The following NDUFAF5 variants were observed in gnomAD, a reference collection of about 807,000 sequenced individuals.
The protein encoded by NDUFAF5 is NADH:ubiquinone oxidoreductase complex assembly factor 5, also known as arginine-hydroxylase NDUFAF5, mitochondrial.
NDUFAF5 carries 34 observed loss-of-function variants against 48.9 expected under a neutral mutation model. The observed-to-expected ratio is 0.70, with a 90% CI of 0.53 to 0.93. NDUFAF5 has a LOEUF of 0.93. Among genes scored for constraint, NDUFAF5 ranks in the 40% least tolerant of loss-of-function variants. NDUFAF5 has a pLI of 0.00. For synonymous variants in NDUFAF5, 153 were observed against 150.6 expected, an observed-to-expected ratio of 1.02 and a Z score of -0.12; for missense variants, 428 against 427.5, an observed-to-expected ratio of 1.00 and a Z score of -0.01.
chr20:13,808,199 A>G (rs1600378133), intron 7 of NDUFAF5, among the ~76,000 whole-genome samples: 1 of 152,146 alleles, frequency 6.6e-6, no homozygotes, highest in East Asian at 1.9e-4. Flanking sequence ...TCTTTGGCCA[A>G]AAGAAATATG....
At position 13,817,229 on chromosome 20, in the gene NDUFAF5, T is replaced by C. The variant is rs1054200603; in HGVS notation, c.*19T>C. On this transcript the variant is annotated 3_prime_UTR_variant, in exon 11 of 11. Coordinates refer to ENST00000378106, the MANE Select transcript of NDUFAF5 (RefSeq NM_024120.5). ...ACAATAAATATTTATTCAGTGTTAA[T>C]GTCGTCCAGAATTTTCATCAGAAAT... 9 of 1,569,780 alleles carry C rather than the reference T, an allele frequency of 5.7e-6. No individual in the cohort carries two copies. Among genetic ancestry groups the C allele is most frequent in the Non-Finnish European group, 7.9e-6 (9 of 1,139,512 alleles).
At chr20:13,787,811 A>G (rs1395483903) in intron 2 of NDUFAF5, among the ~76,000 whole-genome samples, 1 of 152,192 alleles carries the variant, frequency 6.6e-6, no homozygotes, top group Non-Finnish European at 1.5e-5. Context: ...TTAAAAACAA[A>G]TTGCAATGGG....
chr20:13,792,824 CTT>C (rs1982519098), intron 3 of NDUFAF5, among the ~76,000 whole-genome samples: 2 of 152,184 alleles, frequency 1.3e-5, no homozygotes, highest in Non-Finnish European at 2.9e-5. Flanking sequence ...TCTGTAAACT[CTT>C]TGGATGAACA....
At chr20:13,810,365 CTA>C (rs1466367132) in intron 8 of NDUFAF5, among the ~76,000 whole-genome samples, 1 of 152,182 alleles carries the variant, frequency 6.6e-6, no homozygotes, top group Admixed American at 6.5e-5. Context: ...TAAAAGCAAA[CTA>C]TGAACTGAAA....
chr20:13,816,916 C>G lies in NDUFAF5; in HGVS notation c.904C>G (p.Gln302Glu). ...NEDGSVPATYQIYYMIGWKYH... is the reference protein window; with the variant it reads ...NEDGSVPATYEIYYMIGWKYH... ...AGATGGTTCAGTACCTGCTACATAC[C>G]AGATCTATTACATGATAGGATGGAA... Residue 302 changes from glutamine (Q) to glutamate (E), a missense_variant, in exon 10 of 11, where the codon CAG becomes GAG. Gln to Glu is a conservative substitution (Grantham distance 29). Coordinates refer to ENST00000378106, the MANE Select transcript of NDUFAF5 (RefSeq NM_024120.5). The G allele has an allele frequency of 6.2e-7, 1 of 1,609,576 alleles. No individual in the cohort carries two copies. Among genetic ancestry groups the G allele is most frequent in the Non-Finnish European group, 8.5e-7 (1 of 1,176,138 alleles).
At chr20:13,809,375 T>G (rs781392120) in intron 8 of NDUFAF5, among the ~76,000 whole-genome samples, 3 of 152,064 alleles carry the variant, frequency 2.0e-5, no homozygotes, top group Admixed American at 2.0e-4. Context: ...TCTGAGGAAG[T>G]AGCAATTGAG....
Position 13,817,188 on chromosome 20 carries a change from C to T in NDUFAF5, c.1016C>T (p.Pro339Leu). The T allele has an allele frequency of 6.2e-7, 1 of 1,613,426 alleles. No individual in the cohort carries two copies. Among genetic ancestry groups the T allele is most frequent in the Non-Finnish European group, 8.5e-7 (1 of 1,179,480 alleles). Reference protein sequence around the residue: ...GELGKINNLMPPGKKSQ With the variant: ...GELGKINNLMLPGKKSQ ...CTAGGAAAAATAAACAACCTTATGC[C>T]ACCGGGGAAAAAATCACAATAAATA... The change falls in exon 11 of 11, where the codon CCA (proline) becomes CTA (leucine). Residue 339 changes from proline (P) to leucine (L), a missense_variant. Coordinates refer to ENST00000378106, the MANE Select transcript of NDUFAF5 (RefSeq NM_024120.5).
At chr20:13,810,997 T>A (rs1985786703) in intron 8 of NDUFAF5, among the ~76,000 whole-genome samples, 1 of 152,142 alleles carries the variant, frequency 6.6e-6, no homozygotes. Flanking sequence ...GAACTGACCA[T>A]CAACAGGAGG....
chr20:13,818,492 C>G lies in NDUFAF5; in HGVS notation c.*1282C>G, dbSNP rs1450635236. 3.0e-6 allele frequency: 1 copy of G among 337,752 alleles called. No individual in the cohort carries two copies. Among genetic ancestry groups the G allele is most frequent in the African/African-American group, 2.2e-5 (1 of 44,706 alleles). 20.9% of individuals were successfully genotyped at this position (337,752 alleles called of 1,614,324 possible). On this transcript the variant is annotated 3_prime_UTR_variant, in exon 11 of 11. Transcript: ENST00000378106. ...TTCAGAACTTGAAGAGAGAGAACAA[C>G]AACAAAAAACAAACTGCGCTAGCCA...
chr20:13,798,268 G>A (rs1184194293), intron 5 of NDUFAF5, among the ~76,000 whole-genome samples, 193 bp from the exon 6 acceptor site: 1 of 152,194 alleles, frequency 6.6e-6, no homozygotes, highest in Non-Finnish European at 1.5e-5. Flanking sequence ...ATTTTCTGGT[G>A]TGACACAAGG....
In NDUFAF5 at chr20:13,801,722, T is replaced by G. The variant is rs374108000; in HGVS notation, c.717+39T>G. 1.2e-4 allele frequency: 181 copies of G among 1,537,766 alleles called. 2 individuals carry two copies. The African/African-American group carries it at 2.2e-3, about 18-fold the overall frequency. Reference sequence around the variant, plus strand: ...TCGATTAACCCATAACTTACACAGTTCAAAAAAGAACTTCTTATCATTTTA... The same window carrying G: ...TCGATTAACCCATAACTTACACAGTGCAAAAAAGAACTTCTTATCATTTTA... On this transcript the variant is annotated intron_variant, in intron 7 of 10. Coordinates refer to ENST00000378106, the MANE Select transcript of NDUFAF5 (RefSeq NM_024120.5).
intron 8 of NDUFAF5, among the ~76,000 whole-genome samples, chr20:13,815,651 G>C: frequency 6.6e-6 from 1 of 152,052 alleles, no homozygotes; most frequent in East Asian, 1.9e-4. Context: ...TGTGAAAGTA[G>C]AAAAACAAAA....
chr20:13,804,516 C>T (rs2423745), intron 7 of NDUFAF5, among the ~76,000 whole-genome samples: 35,355 of 151,768 alleles, frequency 0.23, 4,237 homozygotes, highest in Non-Finnish European at 0.26. Context: ...TATGTATTTC[C>T]AATATACTGT....
At chr20:13,807,525 T>C (rs950774053) in intron 7 of NDUFAF5, among the ~76,000 whole-genome samples, 1 of 152,144 alleles carries the variant, frequency 6.6e-6, no homozygotes, top group African/African-American at 2.4e-5. Context: ...ATAACATGTC[T>C]TGGAGATTTT....
At chr20:13,802,204 G>C (rs772667487) in intron 7 of NDUFAF5, among the ~76,000 whole-genome samples, 1 of 152,134 alleles carries the variant, frequency 6.6e-6, no homozygotes, top group Non-Finnish European at 1.5e-5. Context: ...CTCGAAAGAA[G>C]ACCCATGGGC....
chr20:13,807,017 G>C (rs1171040147), intron 7 of NDUFAF5, among the ~76,000 whole-genome samples: 2 of 151,650 alleles, frequency 1.3e-5, no homozygotes, highest in Admixed American at 1.3e-4. Flanking sequence ...AAATAGCTGG[G>C]ACCAAGGGCA....
chr20:13,813,150 A>C (rs1007106030), intron 8 of NDUFAF5, among the ~76,000 whole-genome samples: 2 of 152,180 alleles, frequency 1.3e-5, no homozygotes, highest in Non-Finnish European at 2.9e-5. Context: ...GGGTTTCACC[A>C]TGTTGGCCAG....
intron 8 of NDUFAF5, among the ~76,000 whole-genome samples, chr20:13,812,274 C>T (rs146120109): frequency 3.6e-3 from 544 of 152,262 alleles, no homozygotes; most frequent in Non-Finnish European, 5.8e-3. Flanking sequence ...CATCAGTTTT[C>T]ATTCATTAAT....
At chr20:13,789,498 CAG>C (rs1981892614) in intron 3 of NDUFAF5, among the ~76,000 whole-genome samples, 1 of 130,444 alleles carries the variant, frequency 7.7e-6, no homozygotes, top group African/African-American at 2.9e-5. Flanking sequence ...TTTTTTGAGA[CAG>C]AGTCTCGCTC....
Sources: allele counts gnomAD v4.1 joint callset (sites outside exome capture counted in the v4.1 genomes callset), GRCh38; gene constraint gnomAD v4.1.1; transcripts MANE v1.5; gene names NCBI Gene and HGNC (gene_info 2026-07-23, HGNC 2026-07-21).